Variants in WDR31 observed in about 807,000 individuals in gnomAD.
WDR31 encodes WD repeat domain 31, also known as WD repeat-containing protein 31.
Under a neutral mutation model 47.3 loss-of-function variants are expected in WDR31, and 30 were observed. The ratio of observed to expected loss-of-function variants is 0.63; its 90% CI spans 0.47 to 0.86. The LOEUF (loss-of-function observed/expected upper bound fraction) is 0.86, where lower values mean the gene tolerates loss of function less well. Ranked by LOEUF, WDR31 falls within the 40% of genes least tolerant of loss-of-function variation. The pLI is 0.00. For missense variants in WDR31, 406 were observed against 442.9 expected (o/e 0.92, Z 0.75); for synonymous variants, 137 against 159.4 (o/e 0.86, Z 1.06).
At chr9:113,332,211 A>G (rs1160079795) in intron 2 of WDR31, among the ~76,000 whole-genome samples, 161 bp from the exon 3 acceptor site, 2 of 152,236 alleles carry the variant, frequency 1.3e-5, no homozygotes, top group African/African-American at 4.8e-5. Context: ...ACACAAAAAC[A>G]AAACTGATTT....
rs1321756308 is a variant in WDR31 at position 113,321,548 on chromosome 9, G to A, written c.601C>T (p.Pro201Ser). Residue 201 changes from proline (P) to serine (S), a missense_variant, in exon 8 of 11, where the codon CCA becomes TCA. Coordinates refer to ENST00000374193, the MANE Select transcript of WDR31 (RefSeq NM_001012361.4). Reference protein sequence around the residue: ...VTHLCWVPREPYILQTSEDKT... With the variant: ...VTHLCWVPRESYILQTSEDKT... ...TCTTCAGAGGTCTGTAGTATGTATG[G>A]TTCTCTGGGGACCCAGCACAGGTGA... 6.2e-7 allele frequency: 1 copy of A among 1,614,064 alleles called. No individual in the cohort carries two copies. Among genetic ancestry groups the A allele is most frequent in the Non-Finnish European group, 8.5e-7 (1 of 1,180,040 alleles).
chr9:113,324,514 T>C (rs1833410369), intron 5 of WDR31, among the ~76,000 whole-genome samples: 1 of 151,412 alleles, frequency 6.6e-6, no homozygotes, highest in Non-Finnish European at 1.5e-5. Flanking sequence ...CTCAGCCTCC[T>C]GAATAGCTGG....
chr9:113,323,078 AC>A lies in WDR31; in HGVS notation c.401del (p.Gly134ValfsTer21), dbSNP rs1171527742. Reference protein sequence around the residue: ...DRMVMMWDLHGSSQPRQQLCG... With the variant: ...DRMVMMWDLHXSSQPRQQLCG... ...ACAATTGCTGCCTTGGTTGTGAGGAACCGTGCAAGTCCCACATCATGACCAT... is the reference window on the plus strand; with the variant it reads ...ACAATTGCTGCCTTGGTTGTGAGGAACGTGCAAGTCCCACATCATGACCAT... On this transcript the variant is annotated frameshift_variant, in exon 6 of 11. Coordinates refer to ENST00000374193, the MANE Select transcript of WDR31 (RefSeq NM_001012361.4). LOFTEE classifies it high-confidence loss of function. 2 of 1,614,068 alleles carry A rather than the reference AC, an allele frequency of 1.2e-6. No homozygotes were observed. The highest frequency in any genetic ancestry group is 4.5e-5 in the East Asian group (2 of 44,894).
intron 2 of WDR31, among the ~76,000 whole-genome samples, chr9:113,335,769 T>C (rs1011524937): frequency 5.9e-5 from 9 of 152,192 alleles, no homozygotes; most frequent in African/African-American, 1.2e-4. Context: ...TATGTGTCCT[T>C]GAGTAGCTCC....
At position 113,322,919 on chromosome 9, in the gene WDR31, A is replaced by G. The variant is rs1358741511; in HGVS notation, c.470-8T>C. ...TGCACAGCTGTGATGAGTCTTTGGAAACAATGGTGAGAAGACAGCCTGTGA... is the reference window on the plus strand; with the variant it reads ...TGCACAGCTGTGATGAGTCTTTGGAGACAATGGTGAGAAGACAGCCTGTGA... On this transcript the variant is annotated splice_polypyrimidine_tract_variant and splice_region_variant and intron_variant, in intron 6 of 10. Coordinates refer to ENST00000374193, the MANE Select transcript of WDR31 (RefSeq NM_001012361.4). The G allele has an allele frequency of 6.2e-7, 1 of 1,614,030 alleles. No individual in the cohort carries two copies. The highest frequency in any genetic ancestry group is 1.3e-5 in the African/African-American group (1 of 74,918).
At chr9:113,322,402 A>T (rs1388236103) in intron 7 of WDR31, among the ~76,000 whole-genome samples, 1 of 152,160 alleles carries the variant, frequency 6.6e-6, no homozygotes, top group Non-Finnish European at 1.5e-5. Flanking sequence ...TGCAAATTCT[A>T]CATAAAGCAA....
chr9:113,339,557 G>T (rs985464669), intron 1 of WDR31, among the ~76,000 whole-genome samples: 2 of 152,230 alleles, frequency 1.3e-5, no homozygotes, highest in Non-Finnish European at 2.9e-5. Flanking sequence ...GGAAACCGAG[G>T]CCCAGGGAAT....
rs1460814308 is a variant in WDR31, at chr9:113,322,868, A to C, written c.513T>G (p.Leu171=). 1.9e-6 allele frequency: 3 copies of C among 1,614,034 alleles called. No individual in the cohort carries two copies. The African/African-American group carries it at 4.0e-5, about 22-fold the overall frequency. ...TCTGTCCTGTCACCACATCCCACAG[A>C]AGCAGGGTGTTGTCCCGAGAGCCAG... is the stretch of plus-strand genomic sequence containing the variant. ...LCTGSRDNTL[L]LWDVVTGQSV... The change falls in exon 7 of 11, where the codon CTT becomes CTG. Residue 171 remains leucine (L), a synonymous_variant. Coordinates refer to ENST00000374193, the MANE Select transcript of WDR31 (RefSeq NM_001012361.4).
At chr9:113,330,025 T>C (rs112929244) in intron 4 of WDR31, among the ~76,000 whole-genome samples, 3,373 of 152,196 alleles carry the variant, frequency 0.022, 131 homozygotes, top group African/African-American at 0.077. Context: ...TGTGAAAACA[T>C]GCATCTTAGA....
intron 1 of WDR31, among the ~76,000 whole-genome samples, chr9:113,339,044 T>C (rs989369947): frequency 1.3e-5 from 2 of 152,152 alleles, no homozygotes; most frequent in African/African-American, 4.8e-5. Flanking sequence ...GGAGAGGACA[T>C]GGGAAAATCT....
At chr9:113,323,188 G>A (rs2118796422) in intron 5 of WDR31, 33 bp from the exon 6 acceptor site, 1 of 1,600,326 alleles carries the variant, frequency 6.2e-7, no homozygotes, top group Non-Finnish European at 8.5e-7. Context: ...CACTGAAATA[G>A]CTCTGGTATG....
In WDR31 at chr9:113,321,055, C is replaced by T. The variant is rs113520620; in HGVS notation, c.638+456G>A. On this transcript the variant is annotated intron_variant, in intron 8 of 10. Transcript: ENST00000374193. ...ATCCAAAGTTTCTAGTTATCCTCTC[C>T]GGTCTAAGAACTATTGGCTTTACTG... Among the ~76,000 whole-genome samples the T allele has an allele frequency of 3.5e-3, 537 of 152,270 alleles. 4 individuals are homozygous for T. The highest frequency in any genetic ancestry group is 0.012 in the African/African-American group (496 of 41,548).
chr9:113,316,771 A>T lies in WDR31; in HGVS notation c.1082T>A (p.Leu361Gln). The T allele has an allele frequency of 3.1e-6, 5 of 1,614,072 alleles. No individual in the cohort carries two copies. The highest frequency in any genetic ancestry group is 4.2e-6 in the Non-Finnish European group (5 of 1,179,974). ...LRMDHSQGLE[L>Q]QEVAAF is the part of the protein sequence containing the mutation. ...GCCTCAGAATGCTGCCACTTCCTGCAGTTCCAGCCCTTGGCTGTGGTCCAT... is the reference window on the plus strand; with the variant it reads ...GCCTCAGAATGCTGCCACTTCCTGCTGTTCCAGCCCTTGGCTGTGGTCCAT... The change falls in exon 11 of 11, where the codon CTG (leucine) becomes CAG (glutamine). Residue 361 changes from leucine (L) to glutamine (Q), a missense_variant. Coordinates refer to ENST00000374193, the MANE Select transcript of WDR31 (RefSeq NM_001012361.4).
At chr9:113,324,329 T>C (rs2118802811) in intron 5 of WDR31, among the ~76,000 whole-genome samples, 1 of 152,260 alleles carries the variant, frequency 6.6e-6, no homozygotes, top group Admixed American at 6.5e-5. Context: ...TGTCCGGCTC[T>C]TACTTAGCAT....
At position 113,339,638 on chromosome 9, in the gene WDR31, T is replaced by G. The variant is rs564181297; in HGVS notation, c.-182+579A>C. ...CCACTCTCACGGTTGCCTCAAATTT[T>G]GGGGACGACTTGTGTGCAGTTTTTC... On this transcript the variant is annotated intron_variant, in intron 1 of 10. Coordinates refer to ENST00000374193, the MANE Select transcript of WDR31 (RefSeq NM_001012361.4). Among the ~76,000 whole-genome samples, 16 of 152,326 alleles carry G rather than the reference T, an allele frequency of 1.1e-4. No homozygotes were observed. The East Asian group carries it at 3.1e-3, about 29-fold the overall frequency.
intron 5 of WDR31, among the ~76,000 whole-genome samples, chr9:113,326,872 T>C (rs928738236): frequency 3.3e-5 from 5 of 152,202 alleles, no homozygotes; most frequent in African/African-American, 1.2e-4. Context: ...GATCTTGCTC[T>C]GTCGCCAAGG....
At chr9:113,334,154 C>T (rs1443744079) in intron 2 of WDR31, among the ~76,000 whole-genome samples, 3 of 152,068 alleles carry the variant, frequency 2.0e-5, no homozygotes, top group African/African-American at 7.2e-5. Flanking sequence ...CAGGCTTGCA[C>T]CATCATGCCC....
At chr9:113,321,655 T>C in intron 7 of WDR31, 77 bp from the exon 8 acceptor site, 1 of 1,374,664 alleles carries the variant, frequency 7.3e-7, no homozygotes, top group Non-Finnish European at 1.0e-6. Flanking sequence ...ATGTGCTAAC[T>C]AGCATCACTG....
At chr9:113,325,202 G>A (rs1267321064) in intron 5 of WDR31, among the ~76,000 whole-genome samples, 3 of 151,808 alleles carry the variant, frequency 2.0e-5, no homozygotes, top group African/African-American at 2.4e-5. Flanking sequence ...TGATCCACCC[G>A]CCTTGGCCTC....
Sources: allele counts gnomAD v4.1 joint callset (sites outside exome capture counted in the v4.1 genomes callset), GRCh38; gene constraint gnomAD v4.1.1; transcripts MANE v1.5; gene names NCBI Gene and HGNC (gene_info 2026-07-23, HGNC 2026-07-21).